The following SMAD2 variants were observed in gnomAD, a reference collection of about 807,000 sequenced individuals.
SMAD2 encodes the protein SMAD family member 2, also known as MAD homolog 2.
Under a neutral mutation model 64.4 loss-of-function variants are expected in SMAD2, and 8 were observed. That is an observed-to-expected ratio of 0.12 (90% confidence interval 0.07 to 0.22). The LOEUF (loss-of-function observed/expected upper bound fraction) is 0.22, where lower values mean the gene tolerates loss of function less well. Among genes scored for constraint, SMAD2 ranks in the 10% least tolerant of loss-of-function variants. The probability of loss-of-function intolerance (pLI) is 1.00; values close to 1 mark genes in which losing one functional copy is unlikely to be tolerated. For synonymous variants in SMAD2, 203 were observed against 195.8 expected (o/e 1.04, Z -0.31); for missense variants, 289 against 561.2 (o/e 0.51, Z 4.90).
chr18:47,879,852 G>A lies in SMAD2; in HGVS notation c.237-9288C>T, dbSNP rs547591619. On this transcript the variant is annotated intron_variant, in intron 2 of 10. Coordinates refer to ENST00000262160, the MANE Select transcript of SMAD2 (RefSeq NM_005901.6). ...TTCCAAAGCCTCATCAACATTTGGT[G>A]TGGTCAGTCTTTAAATTATAGGTAG... Among the ~76,000 whole-genome samples the A allele has an allele frequency of 2.5e-4, 38 of 152,220 alleles. 1 individual carries two copies. In the South Asian group the frequency reaches 7.9e-3, roughly 32 times the overall value.
At chr18:47,920,010 G>C (rs2034500132) in intron 1 of SMAD2, 1 of 152,142 alleles carries the variant, frequency 6.6e-6, no homozygotes, top group African/African-American at 2.4e-5. Flanking sequence ...AGTCAGTTCA[G>C]GACGGTATAA....
intron 2 of SMAD2, among the ~76,000 whole-genome samples, chr18:47,870,767 C>T (rs776392274): frequency 6.0e-4 from 92 of 152,120 alleles, no homozygotes; most frequent in Non-Finnish European, 1.1e-3. Flanking sequence ...CATGTGACTC[C>T]AGATAAGTCA....
intron 8 of SMAD2, among the ~76,000 whole-genome samples, chr18:47,847,487 A>G (rs1448625969): frequency 6.6e-6 from 1 of 152,148 alleles, no homozygotes; most frequent in Non-Finnish European, 1.5e-5. Context: ...GGAAATACTG[A>G]GGACCCCAAA....
At chr18:47,899,783 C>T (rs553844056) in intron 1 of SMAD2, among the ~76,000 whole-genome samples, 1 of 152,198 alleles carries the variant, frequency 6.6e-6, no homozygotes, top group Admixed American at 6.5e-5. Flanking sequence ...GTCTTTCAGT[C>T]ACCACCTTCT....
At chr18:47,913,162 C>A (rs953397547) in intron 1 of SMAD2, among the ~76,000 whole-genome samples, 1 of 152,222 alleles carries the variant, frequency 6.6e-6, no homozygotes, top group African/African-American at 2.4e-5. Context: ...CTCAGATGAT[C>A]CATCCGCCTC....
chr18:47,917,589 C>T (rs955013967), intron 1 of SMAD2, among the ~76,000 whole-genome samples: 3 of 152,078 alleles, frequency 2.0e-5, no homozygotes, highest in Admixed American at 6.6e-5. Context: ...TTATTTCCAC[C>T]CCTCATCCCC....
At chr18:47,851,427 A>G in intron 6 of SMAD2, 100 bp from the exon 7 acceptor site, 1 of 758,876 alleles carries the variant, frequency 1.3e-6, no homozygotes, top group South Asian at 1.5e-5. Flanking sequence ...CAACAATAAT[A>G]CAAAGATAAT....
intron 6 of SMAD2, among the ~76,000 whole-genome samples, chr18:47,852,124 T>C (rs2030161757): frequency 6.6e-6 from 1 of 152,222 alleles, no homozygotes; most frequent in African/African-American, 2.4e-5. Flanking sequence ...TGATAGTCTG[T>C]TCTTTTCTTT....
chr18:47,849,674 CTAA>C (rs1268502672), intron 7 of SMAD2, among the ~76,000 whole-genome samples: 4 of 151,888 alleles, frequency 2.6e-5, no homozygotes. Flanking sequence ...CTTATAATAC[CTAA>C]TAATATAAAT....
chr18:47,889,934 A>G (rs1263014401), intron 2 of SMAD2, among the ~76,000 whole-genome samples: 2 of 152,258 alleles, frequency 1.3e-5, no homozygotes, highest in South Asian at 4.1e-4. Context: ...CAGGTGTTAC[A>G]TGATAAAATT....
intron 6 of SMAD2, among the ~76,000 whole-genome samples, chr18:47,851,555 C>G (rs188335853): frequency 4.7e-4 from 71 of 152,096 alleles, no homozygotes; most frequent in Non-Finnish European, 5.9e-4. Context: ...GCTTCTAGCC[C>G]AACAGTTCAT....
intron 6 of SMAD2, among the ~76,000 whole-genome samples, chr18:47,862,199 A>G (rs1204634455): frequency 2.0e-5 from 3 of 152,200 alleles, no homozygotes; most frequent in Non-Finnish European, 4.4e-5. Context: ...AATGTACTTG[A>G]AGTACCTGTA....
At chr18:47,909,852 T>C (rs1598880049) in intron 1 of SMAD2, among the ~76,000 whole-genome samples, 1 of 152,152 alleles carries the variant, frequency 6.6e-6, no homozygotes, top group Non-Finnish European at 1.5e-5. Flanking sequence ...ACACCAAATA[T>C]GTCAAAGTGA....
chr18:47,908,463 A>T (rs754483423), intron 1 of SMAD2, among the ~76,000 whole-genome samples: 5 of 152,226 alleles, frequency 3.3e-5, no homozygotes, highest in African/African-American at 4.8e-5. Flanking sequence ...GGTAGCCTAG[A>T]AACACTGAAA....
At chr18:47,849,232 A>G (rs910794598) in intron 7 of SMAD2, among the ~76,000 whole-genome samples, 2 of 152,164 alleles carry the variant, frequency 1.3e-5, no homozygotes, top group African/African-American at 4.8e-5. Context: ...CCACTCATAC[A>G]TAAGAACCAG....
chr18:47,876,899 G>A (rs535678641), intron 2 of SMAD2, among the ~76,000 whole-genome samples: 13 of 151,928 alleles, frequency 8.6e-5, no homozygotes, highest in Admixed American at 2.0e-4. Flanking sequence ...CTTTTTTTGC[G>A]TTAAGGATAT....
intron 1 of SMAD2, among the ~76,000 whole-genome samples, chr18:47,921,791 T>G (rs1175098112): frequency 6.6e-6 from 1 of 152,246 alleles, no homozygotes; most frequent in Non-Finnish European, 1.5e-5. Context: ...TTTCTAAGTT[T>G]CTAGTACCTG....
intron 1 of SMAD2, among the ~76,000 whole-genome samples, chr18:47,927,662 G>A (rs2034819308): frequency 6.6e-6 from 1 of 152,212 alleles, no homozygotes; most frequent in Non-Finnish European, 1.5e-5. Flanking sequence ...CACTTTGGGA[G>A]GCCGAGGTGG....
In SMAD2 at chr18:47,868,548, T is replaced by C. The variant is rs1787177; in HGVS notation, c.521-91A>G. ...AAGTTTTCAACAAGAAGAGAAGTTG[T>C]AGCTTAATTTTTAAAGCTAGGGTCC... On this transcript the variant is annotated intron_variant, in intron 4 of 10. Coordinates refer to ENST00000262160, the MANE Select transcript of SMAD2 (RefSeq NM_005901.6). 0.056 allele frequency: 57,553 copies of C among 1,030,350 alleles called. 1,862 individuals are homozygous for C. Among genetic ancestry groups the C allele is most frequent in the Non-Finnish European group, 0.065 (44,152 of 675,758 alleles). The allele number at this position is 1,030,350 out of a possible 1,614,324, so 63.8% of individuals were successfully genotyped here. A position where few individuals can be genotyped will look rare whatever the true frequency, so the allele number is the denominator to read the frequency against.
Sources: allele counts gnomAD v4.1 joint callset (sites outside exome capture counted in the v4.1 genomes callset), GRCh38; gene constraint gnomAD v4.1.1; transcripts MANE v1.5; gene names NCBI Gene and HGNC (gene_info 2026-07-23, HGNC 2026-07-21).